ARIH2: variants seen among roughly 807,000 people sequenced by gnomAD.
ARIH2 encodes the protein ariadne RBR E3 ubiquitin protein ligase 2.
ARIH2 carries 12 observed loss-of-function variants against 79.8 expected under a neutral mutation model. That is an observed-to-expected ratio of 0.15 (90% CI 0.10 to 0.24). The LOEUF (loss-of-function observed/expected upper bound fraction) is 0.24, where lower values mean the gene tolerates loss of function less well. Ranked by LOEUF, ARIH2 falls within the 10% of genes least tolerant of loss-of-function variation. The pLI is 1.00. For synonymous variants in ARIH2, 224 were observed against 213.9 expected, an observed-to-expected ratio of 1.05 and a Z score of -0.41; for missense variants, 301 against 618.3, an observed-to-expected ratio of 0.49 and a Z score of 5.44.
At chr3:48,938,664 A>G (rs2087529222) in intron 3 of ARIH2, among the ~76,000 whole-genome samples, 1 of 152,176 alleles carries the variant, frequency 6.6e-6, no homozygotes, top group South Asian at 2.1e-4. Context: ...CCATTTTTAA[A>G]TACTATGAAA....
At chr3:48,972,774 T>C (rs999855382) in intron 8 of ARIH2, among the ~76,000 whole-genome samples, 2 of 152,002 alleles carry the variant, frequency 1.3e-5, no homozygotes, top group Admixed American at 6.6e-5. Context: ...AGTACAGTGA[T>C]GCGAACACAG....
At chr3:48,954,301 G>A (rs768386584) in intron 3 of ARIH2, among the ~76,000 whole-genome samples, 4 of 151,818 alleles carry the variant, frequency 2.6e-5, no homozygotes, top group Non-Finnish European at 4.4e-5. Context: ...CTAAGGCATC[G>A]TGGTGGGCAC....
intron 4 of ARIH2, among the ~76,000 whole-genome samples, chr3:48,962,840 A>G (rs2091409494): frequency 6.6e-6 from 1 of 152,068 alleles, no homozygotes; most frequent in African/African-American, 2.4e-5. Context: ...CACTGCAGTG[A>G]ATCTTCCTTT....
intron 6 of ARIH2, chr3:48,968,320 G>A (rs2091945494): frequency 2.8e-6 from 1 of 362,570 alleles, no homozygotes; most frequent in African/African-American, 2.2e-5. Flanking sequence ...CCATTCTCCT[G>A]CCCCAGCCTC....
chr3:48,923,416 CAG>C (rs1257431249), intron 2 of ARIH2, among the ~76,000 whole-genome samples: 1 of 149,744 alleles, frequency 6.7e-6, no homozygotes, highest in Non-Finnish European at 1.5e-5. Context: ...AAAAAAAGGT[CAG>C]ACTGCAAACA....
intron 3 of ARIH2, among the ~76,000 whole-genome samples, chr3:48,949,361 G>A (rs556910043): frequency 2.6e-4 from 40 of 152,126 alleles, no homozygotes; most frequent in Non-Finnish European, 4.0e-4. Context: ...CTCGTGATCC[G>A]CCTGCCTTGG....
intron 14 of ARIH2, among the ~76,000 whole-genome samples, 180 bp downstream of exon 14, chr3:48,981,908 A>G (rs940295131): frequency 2.0e-5 from 3 of 152,156 alleles, no homozygotes; most frequent in South Asian, 2.1e-4. Flanking sequence ...CTCAGGTGCT[A>G]TTATTTTGTG....
rs35777653 is a variant in ARIH2, at chr3:48,942,052, AT to A, written c.255+14255del. Among the ~76,000 whole-genome samples, 502 of 138,418 alleles carry A rather than the reference AT, an allele frequency of 3.6e-3. 3 individuals are homozygous for A. Among genetic ancestry groups the A allele is most frequent in the East Asian group, 0.015 (70 of 4,740 alleles). The allele number at this position is 138,418 out of a possible 152,430, so 90.8% of individuals were successfully genotyped here. A position where few individuals can be genotyped will look rare whatever the true frequency, so the allele number is the denominator to read the frequency against. ...AGGCACACGCAACCATACCTGGCTA[AT>A]TTTTTTTTTTTTTTTGAGGCGGAGT... is the stretch of plus-strand genomic sequence containing the variant. On this transcript the variant is annotated intron_variant, in intron 3 of 15. Coordinates refer to ENST00000356401, the MANE Select transcript of ARIH2 (RefSeq NM_006321.4).
rs1284186580 is a variant in ARIH2 at position 48,935,393 on chromosome 3, GC to G, written c.255+7582del. Among the ~76,000 whole-genome samples the G allele has an allele frequency of 4.6e-5, 7 of 152,200 alleles. 1 individual carries two copies. The highest frequency in any genetic ancestry group is 4.6e-4 in the Admixed American group (7 of 15,280). On this transcript the variant is annotated intron_variant, in intron 3 of 15. Coordinates refer to ENST00000356401, the MANE Select transcript of ARIH2 (RefSeq NM_006321.4). ...AATACTTTAAATGGCTGTGTAGCAT[GC>G]CATCTTGTTTTTGAACTGTAATTTG...
chr3:48,973,825 C>T lies in ARIH2; in HGVS notation c.888+9C>T, dbSNP rs769362077. The T allele has an allele frequency of 5.0e-6, 8 of 1,592,232 alleles. No homozygotes were observed. The East Asian group carries it at 6.7e-5, about 13-fold the overall frequency. Reference sequence around the variant, plus strand: ...GTGCTCACACTAAAGACGTAAGGACCGTATTTTACCTCTCATGGATTTGCC... The same window carrying T: ...GTGCTCACACTAAAGACGTAAGGACTGTATTTTACCTCTCATGGATTTGCC... On this transcript the variant is annotated intron_variant, in intron 9 of 15. Transcript: ENST00000356401.
chr3:48,976,912 A>G (rs2092534572), intron 11 of ARIH2, among the ~76,000 whole-genome samples: 1 of 151,908 alleles, frequency 6.6e-6, no homozygotes, highest in Non-Finnish European at 1.5e-5. Flanking sequence ...TCAAAAAAAA[A>G]AAAACTGGCT....
At chr3:48,945,296 T>TC in intron 3 of ARIH2, 1 of 947,578 alleles carries the variant, frequency 1.1e-6, no homozygotes, top group East Asian at 6.1e-5. Context: ...CTGGAGAGCT[T>TC]CAGCCAGCTA....
chr3:48,935,901 G>C (rs2087041247), intron 3 of ARIH2, among the ~76,000 whole-genome samples: 2 of 152,142 alleles, frequency 1.3e-5, no homozygotes, highest in African/African-American at 4.8e-5. Flanking sequence ...GTGCGTCTGA[G>C]TGTGCGTATG....
At chr3:48,931,744 C>A (rs867538119) in intron 3 of ARIH2, among the ~76,000 whole-genome samples, 1 of 151,958 alleles carries the variant, frequency 6.6e-6, no homozygotes, top group African/African-American at 2.4e-5. Flanking sequence ...CAGCCGGGTG[C>A]GGTGGCTCAC....
rs544901025 is a variant in ARIH2 at position 48,963,791 on chromosome 3, A to G, written c.324-1128A>G. On this transcript the variant is annotated intron_variant, in intron 4 of 15. Coordinates refer to ENST00000356401, the MANE Select transcript of ARIH2 (RefSeq NM_006321.4). ...ATGTAAATGGCATCTAATTGTTTCA[A>G]TGGTCCTGTATTATTAAGGAGGTTG... 6.6e-5 allele frequency among the ~76,000 whole-genome samples: 10 copies of G among 152,262 alleles called. No individual in the cohort carries two copies. In the South Asian group the frequency reaches 8.3e-4, roughly 13 times the overall value.
Position 48,979,474 on chromosome 3 carries a change from C to G in ARIH2, c.962-8C>G. 6.2e-7 allele frequency: 1 copy of G among 1,613,556 alleles called. No individual in the cohort carries two copies. The highest frequency in any genetic ancestry group is 1.1e-5 in the South Asian group (1 of 90,984). On this transcript the variant is annotated splice_region_variant and splice_polypyrimidine_tract_variant and intron_variant, in intron 11 of 15. Coordinates refer to ENST00000356401, the MANE Select transcript of ARIH2 (RefSeq NM_006321.4). Reference sequence around the variant, plus strand: ...AGATGTAAATGACTCTTCCTCTGTTCTGCACAGACTTCTGCTGGATGTGTC... The same window carrying G: ...AGATGTAAATGACTCTTCCTCTGTTGTGCACAGACTTCTGCTGGATGTGTC...
intron 3 of ARIH2, among the ~76,000 whole-genome samples, chr3:48,946,381 T>C (rs1269256851): frequency 6.6e-6 from 1 of 151,796 alleles, no homozygotes; most frequent in South Asian, 2.1e-4. Context: ...TGAGGGCCTG[T>C]GTCAGATAGT....
At chr3:48,945,882 A>G (rs2089054499) in intron 3 of ARIH2, among the ~76,000 whole-genome samples, 1 of 152,184 alleles carries the variant, frequency 6.6e-6, no homozygotes, top group African/African-American at 2.4e-5. Flanking sequence ...CCCACAAGCA[A>G]ATTGCTATTG....
intron 5 of ARIH2, among the ~76,000 whole-genome samples, chr3:48,966,355 C>A (rs1304315797): frequency 1.3e-5 from 2 of 152,086 alleles, no homozygotes; most frequent in African/African-American, 4.8e-5. Context: ...ACCTAATGTT[C>A]TTGTAAGTGG....
Sources: allele counts gnomAD v4.1 joint callset (sites outside exome capture counted in the v4.1 genomes callset), GRCh38; gene constraint gnomAD v4.1.1; transcripts MANE v1.5; gene names NCBI Gene and HGNC (gene_info 2026-07-23, HGNC 2026-07-21).